SMAGP: variants seen among roughly 807,000 people sequenced by gnomAD.
SMAGP encodes small cell adhesion glycoprotein, also known as small cell transmembrane and glycosylated protein.
SMAGP carries 7 observed loss-of-function variants against 10.1 expected under a neutral mutation model. The ratio of observed to expected loss-of-function variants is 0.70; its 90% confidence interval spans 0.40 to 1.31. The LOEUF is 1.31. Ranked by LOEUF, SMAGP falls within the 50% of genes most tolerant of loss-of-function variation. The probability of loss-of-function intolerance (pLI) is 0.01; values close to 1 mark genes in which losing one functional copy is unlikely to be tolerated. For synonymous variants in SMAGP, 49 were observed against 47.2 expected (o/e 1.04, Z -0.16); for missense variants, 113 against 116.5 (o/e 0.97, Z 0.14).
chr12:51,246,021 T>C lies in SMAGP; in HGVS notation c.214A>G (p.Thr72Ala), dbSNP rs560843325. ...ACGATGGCACTGGGCTCACCTTCTGTAGGTTCATAGGTGACGTAGCTGCCT... is the reference window on the plus strand; with the variant it reads ...ACGATGGCACTGGGCTCACCTTCTGCAGGTTCATAGGTGACGTAGCTGCCT... ...NKGSYVTYEP[T>A]EGEPSAIVQM... The change falls in exon 4 of 4, where the codon ACA (threonine) becomes GCA (alanine). Residue 72 changes from threonine (T) to alanine (A), a missense_variant. Thr to Ala is a moderately conservative substitution (Grantham distance 58, BLOSUM62 0). Coordinates refer to ENST00000603798, the MANE Select transcript of SMAGP (RefSeq NM_001031628.2). 4.0e-5 allele frequency: 64 copies of C among 1,613,784 alleles called. No individual in the cohort carries two copies. The highest frequency in any genetic ancestry group is 5.0e-5 in the Non-Finnish European group (59 of 1,179,888).
chr12:51,262,074 CTGTG>C (rs1215404737), intron 2 of SMAGP, among the ~76,000 whole-genome samples: 1 of 150,600 alleles, frequency 6.6e-6, no homozygotes, highest in African/African-American at 2.4e-5. Flanking sequence ...CCCTGTCTCT[CTGTG>C]TATTTTTTTT....
intron 2 of SMAGP, among the ~76,000 whole-genome samples, chr12:51,265,776 G>A (rs1222811131): frequency 6.6e-6 from 1 of 152,078 alleles, no homozygotes; most frequent in Non-Finnish European, 1.5e-5. Context: ...TGGTGGTGAG[G>A]AACATGAATT....
chr12:51,260,613 C>T (rs368882367), intron 2 of SMAGP, among the ~76,000 whole-genome samples: 1 of 150,492 alleles, frequency 6.6e-6, no homozygotes, highest in Non-Finnish European at 1.5e-5. Context: ...CTCCTGACCT[C>T]GTGATCCACC....
chr12:51,248,100 T>A (rs1169636969), intron 2 of SMAGP, among the ~76,000 whole-genome samples: 1 of 147,954 alleles, frequency 6.8e-6, no homozygotes, highest in Non-Finnish European at 1.5e-5. Context: ...TGAGCATGAC[T>A]CCCGTCCAGT....
At chr12:51,257,698 C>G (rs1240708087) in intron 2 of SMAGP, among the ~76,000 whole-genome samples, 2 of 152,142 alleles carry the variant, frequency 1.3e-5, no homozygotes, top group Admixed American at 6.5e-5. Flanking sequence ...GTACCCACCA[C>G]TACACTTGGC....
chr12:51,246,516 A>ACGTC (rs1226346162), intron 3 of SMAGP: 17 of 451,982 alleles, frequency 3.8e-5, no homozygotes, highest in African/African-American at 3.4e-4. Context: ...CTCAAGTGTA[A>ACGTC]CGTCCGTATG....
intron 2 of SMAGP, among the ~76,000 whole-genome samples, chr12:51,258,880 C>T (rs1335013267): frequency 6.7e-6 from 1 of 149,540 alleles, no homozygotes; most frequent in Non-Finnish European, 1.5e-5. Flanking sequence ...GGTGCAGTGG[C>T]TCATGCCTGT....
At chr12:51,249,311 T>C (rs1250839210) in intron 2 of SMAGP, among the ~76,000 whole-genome samples, 1 of 152,118 alleles carries the variant, frequency 6.6e-6, no homozygotes, top group Non-Finnish European at 1.5e-5. Context: ...AAAGCAGGGG[T>C]TGGCAGGGGT....
At chr12:51,256,352 G>A (rs1471337072) in intron 2 of SMAGP, among the ~76,000 whole-genome samples, 3 of 152,136 alleles carry the variant, frequency 2.0e-5, no homozygotes, top group South Asian at 2.1e-4. Flanking sequence ...TTGGGAGGCT[G>A]AGGCCAGAGG....
chr12:51,269,280 G>A lies in SMAGP; in HGVS notation c.-2C>T. The A allele has an allele frequency of 1.9e-6, 3 of 1,613,960 alleles. No individual in the cohort carries two copies. Among genetic ancestry groups the A allele is most frequent in the South Asian group, 2.2e-5 (2 of 91,088 alleles). ...AGGAGTAGTCAGGAGGCTGGTCATT[G>A]TCACTAGTGGTTGAGTTTCTTGGAG... On this transcript the variant is annotated 5_prime_UTR_variant, in exon 2 of 4. Transcript: ENST00000603798.
At chr12:51,265,801 T>TC (rs532700394) in intron 2 of SMAGP, among the ~76,000 whole-genome samples, 1 of 151,760 alleles carries the variant, frequency 6.6e-6, no homozygotes, top group Non-Finnish European at 1.5e-5. Context: ...AATACAGTAG[T>TC]CCCCCCAGGC....
At chr12:51,257,552 A>ATTT (rs56916271) in intron 2 of SMAGP, among the ~76,000 whole-genome samples, 4 of 145,646 alleles carry the variant, frequency 2.7e-5, no homozygotes, top group East Asian at 4.0e-4. Flanking sequence ...CTTTGTATAC[A>ATTT]TTTTTTTTTT....
At chr12:51,253,145 G>A (rs1376631220) in intron 2 of SMAGP, among the ~76,000 whole-genome samples, 2 of 152,106 alleles carry the variant, frequency 1.3e-5, no homozygotes, top group South Asian at 2.1e-4. Flanking sequence ...CTTTGAACTC[G>A]AAACAGCAAG....
chr12:51,248,086 G>A (rs73109020), intron 2 of SMAGP, among the ~76,000 whole-genome samples: 41,852 of 151,660 alleles, frequency 0.28, 7,115 homozygotes, highest in Middle Eastern at 0.42. Flanking sequence ...GCCCGAGCGC[G>A]GTGTGAGCAT....
intron 2 of SMAGP, 49 bp downstream of exon 2, chr12:51,269,196 G>A (rs377147341): frequency 9.2e-5 from 147 of 1,605,684 alleles, no homozygotes; most frequent in Non-Finnish European, 8.2e-5. Context: ...TGGGGAAGGG[G>A]ATGTTGAACA....
Position 51,245,697 on chromosome 12 carries a change from TTG to T in SMAGP, c.*242_*243del, listed in dbSNP as rs762758610. 6.7e-5 allele frequency: 31 copies of T among 463,996 alleles called. No individual in the cohort carries two copies. The highest frequency in any genetic ancestry group is 1.2e-4 in the Non-Finnish European group (30 of 256,574). 28.7% of individuals were successfully genotyped at this position (463,996 alleles called of 1,614,324 possible). On this transcript the variant is annotated 3_prime_UTR_variant, in exon 4 of 4. Transcript: ENST00000603798. ...TGTCCCCTGGCATAGCCACATCTTG[TTG>T]GCCAGTCACAAACACCAGCTCTAGT...
intron 1 of SMAGP, chr12:51,269,645 T>G: frequency 4.7e-6 from 1 of 211,564 alleles, no homozygotes; most frequent in Non-Finnish European, 9.7e-6. Flanking sequence ...GAACCCAGTT[T>G]CGCCAAAGCG....
intron 2 of SMAGP, among the ~76,000 whole-genome samples, chr12:51,247,753 C>T (rs543109485): frequency 6.6e-6 from 1 of 152,330 alleles, no homozygotes; most frequent in East Asian, 1.9e-4. Context: ...CAGCAACACT[C>T]ACCCACTGCC....
chr12:51,269,566 T>C (rs1007327055), intron 1 of SMAGP: 7 of 371,046 alleles, frequency 1.9e-5, no homozygotes, highest in African/African-American at 2.0e-5. Context: ...GTCCTTTCAA[T>C]GGGCCACCAA....
Sources: allele counts gnomAD v4.1 joint callset (sites outside exome capture counted in the v4.1 genomes callset), GRCh38; gene constraint gnomAD v4.1.1; transcripts MANE v1.5; gene names NCBI Gene and HGNC (gene_info 2026-07-23, HGNC 2026-07-21).